The following CADM2 variants were observed in gnomAD, a reference collection of about 807,000 sequenced individuals.
CADM2 encodes the protein cell adhesion molecule 2, also known as immunoglobulin superfamily member 4D.
CADM2 carries 12 observed loss-of-function variants against 49.8 expected under a neutral mutation model. That is an observed-to-expected ratio of 0.24 (90% CI 0.15 to 0.39). CADM2 has a LOEUF of 0.39. Among genes scored for constraint, CADM2 ranks in the 10% least tolerant of loss-of-function variants. The pLI, the probability that CADM2 is intolerant of heterozygous loss-of-function variation, is 1.00. For missense variants in CADM2, 378 were observed against 492.3 expected (o/e 0.77, Z 2.20); for synonymous variants, 214 against 175.4 (o/e 1.22, Z -1.74).
chr3:85,634,757 C>G (rs2064410399), intron 1 of CADM2, among the ~76,000 whole-genome samples: 1 of 152,000 alleles, frequency 6.6e-6, no homozygotes. Context: ...ATTTTAGATG[C>G]AAATTTCTAA....
intron 1 of CADM2, among the ~76,000 whole-genome samples, chr3:85,149,785 A>G (rs1485386466): frequency 6.6e-6 from 1 of 152,206 alleles, no homozygotes; most frequent in Non-Finnish European, 1.5e-5. Flanking sequence ...TATTTTTAAA[A>G]GCTTCCATTT....
intron 1 of CADM2, among the ~76,000 whole-genome samples, chr3:85,255,705 T>TG (rs1233200042): frequency 6.6e-6 from 1 of 152,058 alleles, no homozygotes; most frequent in East Asian, 1.9e-4. Flanking sequence ...CCATCTCTAC[T>TG]GCCTGCACCC....
chr3:85,777,563 T>G (rs1284968074), intron 2 of CADM2, among the ~76,000 whole-genome samples: 1 of 152,132 alleles, frequency 6.6e-6, no homozygotes, highest in Non-Finnish European at 1.5e-5. Context: ...CTGCTATATT[T>G]TAAACTCAGG....
intron 1 of CADM2, among the ~76,000 whole-genome samples, chr3:85,613,810 T>C (rs1381979106): frequency 1.3e-5 from 2 of 151,654 alleles, no homozygotes; most frequent in Non-Finnish European, 3.0e-5. Context: ...AGTAACATAG[T>C]ATTTAAGTGA....
At chr3:85,138,683 A>G (rs2039489484) in intron 1 of CADM2, among the ~76,000 whole-genome samples, 1 of 152,144 alleles carries the variant, frequency 6.6e-6, no homozygotes, top group South Asian at 2.1e-4. Context: ...AATGGTGAAC[A>G]TCAAAAACTC....
rs182441755 is a variant in CADM2 at position 85,222,931 on chromosome 3, C to T, written c.61+263263C>T. ...GAATCATTGTTAAAGCCCTCCATTT[C>T]ATAGAACTTTCAAAAACATGTATTA... On this transcript the variant is annotated intron_variant, in intron 1 of 9. Transcript: ENST00000383699. 1.1e-4 allele frequency among the ~76,000 whole-genome samples: 16 copies of T among 152,202 alleles called. No homozygotes were observed. In the East Asian group the frequency reaches 3.1e-3, roughly 29 times the overall value.
chr3:85,496,152 A>T (rs571810799), intron 1 of CADM2, among the ~76,000 whole-genome samples: 2 of 152,230 alleles, frequency 1.3e-5, no homozygotes, highest in African/African-American at 2.4e-5. Flanking sequence ...CATCATGGAG[A>T]TAGTGAACAT....
chr3:85,096,746 G>T (rs997539126), intron 1 of CADM2, among the ~76,000 whole-genome samples: 1 of 152,066 alleles, frequency 6.6e-6, no homozygotes, highest in Admixed American at 6.6e-5. Flanking sequence ...CAGTGAATTT[G>T]TTCTTCCTTA....
At chr3:85,217,203 G>A (rs2041946865) in intron 1 of CADM2, among the ~76,000 whole-genome samples, 1 of 151,480 alleles carries the variant, frequency 6.6e-6, no homozygotes, top group African/African-American at 2.4e-5. Flanking sequence ...TTATAACACT[G>A]GCACAAAATT....
intron 3 of CADM2, among the ~76,000 whole-genome samples, chr3:85,863,198 G>T (rs555755412): frequency 6.6e-6 from 1 of 152,234 alleles, no homozygotes; most frequent in African/African-American, 2.4e-5. Flanking sequence ...GGAGTAGAGT[G>T]AATTCTGTTT....
chr3:85,228,140 C>A (rs1295925616), intron 1 of CADM2, among the ~76,000 whole-genome samples: 1 of 151,916 alleles, frequency 6.6e-6, no homozygotes, highest in African/African-American at 2.4e-5. Flanking sequence ...TTGTGGTGTT[C>A]TCTGTATTTC....
intron 1 of CADM2, among the ~76,000 whole-genome samples, chr3:85,401,700 A>G (rs1183137242): frequency 6.6e-6 from 1 of 152,102 alleles, no homozygotes; most frequent in Non-Finnish European, 1.5e-5. Context: ...GGGACCCTGT[A>G]GTCCTCTCTC....
At chr3:84,960,270 A>G (rs982661096) in intron 1 of CADM2, 3 of 152,236 alleles carry the variant, frequency 2.0e-5, no homozygotes, top group Non-Finnish European at 4.4e-5. Flanking sequence ...CGTGTCATTT[A>G]CCTAGGAAGA....
At chr3:85,290,225 T>A (rs1234890285) in intron 1 of CADM2, among the ~76,000 whole-genome samples, 1 of 152,134 alleles carries the variant, frequency 6.6e-6, no homozygotes, top group Non-Finnish European at 1.5e-5. Flanking sequence ...ACTGCGCTTT[T>A]CCGATCGGCT....
At position 86,072,621 on chromosome 3, in the gene CADM2, A is replaced by G. The variant is rs760998387; in HGVS notation, c.*5838A>G. The G allele has an allele frequency of 6.6e-6, 1 of 152,068 alleles. No individual in the cohort carries two copies. The highest frequency in any genetic ancestry group is 6.6e-5 in the Admixed American group (1 of 15,240). 9.4% of individuals were successfully genotyped at this position (152,068 alleles called of 1,614,324 possible). On this transcript the variant is annotated 3_prime_UTR_variant, in exon 10 of 10. Coordinates refer to ENST00000383699, the MANE Select transcript of CADM2 (RefSeq NM_001167675.2). Reference sequence around the variant, plus strand: ...GAAATGCAACATTACGCTTACAAACAGTACTGTCAAACCTCAAATGCTTTC... The same window carrying G: ...GAAATGCAACATTACGCTTACAAACGGTACTGTCAAACCTCAAATGCTTTC...
At chr3:85,758,541 G>A (rs547595766) in intron 2 of CADM2, among the ~76,000 whole-genome samples, 2 of 151,818 alleles carry the variant, frequency 1.3e-5, no homozygotes, top group South Asian at 4.2e-4. Context: ...ATAAAACACA[G>A]ACAAATTTAT....
intron 1 of CADM2, among the ~76,000 whole-genome samples, chr3:85,648,908 C>T (rs2064965802): frequency 1.3e-5 from 2 of 152,028 alleles, no homozygotes; most frequent in East Asian, 1.9e-4. Flanking sequence ...AAATACTTCT[C>T]CTTTTTTTTC....
At chr3:85,546,581 T>C (rs2061674346) in intron 1 of CADM2, among the ~76,000 whole-genome samples, 1 of 152,046 alleles carries the variant, frequency 6.6e-6, no homozygotes, top group African/African-American at 2.4e-5. Flanking sequence ...TATTAAATTA[T>C]ATATGATAAA....
chr3:85,140,607 T>A (rs2039548811), intron 1 of CADM2, among the ~76,000 whole-genome samples: 1 of 152,200 alleles, frequency 6.6e-6, no homozygotes, highest in South Asian at 2.1e-4. Flanking sequence ...TAATTCCACA[T>A]TGATCCTGAG....
Sources: allele counts gnomAD v4.1 joint callset (sites outside exome capture counted in the v4.1 genomes callset), GRCh38; gene constraint gnomAD v4.1.1; transcripts MANE v1.5; gene names NCBI Gene and HGNC (gene_info 2026-07-23, HGNC 2026-07-21).